RBMS2: variants seen among roughly 807,000 people sequenced by gnomAD.
RBMS2 encodes the protein RNA binding motif single stranded interacting protein 2.
A neutral mutation model predicts 58.4 loss-of-function variants in RBMS2; 38 were observed. The observed-to-expected ratio is 0.65, with a 90% CI of 0.50 to 0.85. The LOEUF (loss-of-function observed/expected upper bound fraction) is 0.85. RBMS2 is among the 40% of genes least tolerant of loss of function. The probability of loss-of-function intolerance (pLI) is 0.00; values close to 1 mark genes in which losing one functional copy is unlikely to be tolerated. For synonymous variants in RBMS2, 151 were observed against 180.7 expected, an observed-to-expected ratio of 0.84 and a Z score of 1.32; for missense variants, 367 against 503.7, an observed-to-expected ratio of 0.73 and a Z score of 2.60.
chr12:56,571,357 C>A (rs1882261628), intron 4 of RBMS2, among the ~76,000 whole-genome samples: 1 of 152,060 alleles, frequency 6.6e-6, no homozygotes, highest in Non-Finnish European at 1.5e-5. Context: ...AACAAGCCAG[C>A]CAAGGAGCAA....
Position 56,595,145 on chromosome 12 carries a change from C to T in RBMS2, c.*6012C>T, listed in dbSNP as rs1885631300. 1 of 152,106 alleles carries T rather than the reference C, an allele frequency of 6.6e-6. No homozygotes were observed. The highest frequency in any genetic ancestry group is 2.4e-5 in the African/African-American group (1 of 41,400). The allele number at this position is 152,106 out of a possible 1,614,324, so 9.4% of individuals were successfully genotyped here. ...GAGCAGAGTTTAGAACTTAAGAGGACAAGAAAGCTGCTCAGTGGCTGGCGT... is the reference window on the plus strand; with the variant it reads ...GAGCAGAGTTTAGAACTTAAGAGGATAAGAAAGCTGCTCAGTGGCTGGCGT... On this transcript the variant is annotated 3_prime_UTR_variant, in exon 14 of 14. Transcript: ENST00000262031.
At chr12:56,580,188 C>T (rs969704949) in intron 5 of RBMS2, 6 of 370,218 alleles carry the variant, frequency 1.6e-5, no homozygotes, top group African/African-American at 8.9e-5. Context: ...GCCTCAGCCT[C>T]CCAAAGTGCT....
At chr12:56,572,406 C>T (rs1338910736) in intron 5 of RBMS2, among the ~76,000 whole-genome samples, 1 of 151,542 alleles carries the variant, frequency 6.6e-6, no homozygotes, top group African/African-American at 2.4e-5. Flanking sequence ...GCCCAGGCTG[C>T]TCTTGAACAT....
intron 5 of RBMS2, among the ~76,000 whole-genome samples, chr12:56,573,536 A>G (rs932620082): frequency 6.7e-6 from 1 of 149,898 alleles, no homozygotes; most frequent in South Asian, 2.1e-4. Context: ...CCTCTTCCCC[A>G]GCTGACTCAA....
rs913403411 is a variant in RBMS2, at chr12:56,567,070, T to C, written c.234-1905T>C. Among the ~76,000 whole-genome samples, 12 of 152,138 alleles carry C rather than the reference T, an allele frequency of 7.9e-5. No homozygotes were observed. The South Asian group carries it at 1.5e-3, about 18-fold the overall frequency. Reference sequence around the variant, plus strand: ...TATTTTATCTACTGCACAGAAATAATTTGCATTTTTACTGGACAAAAATCT... The same window carrying C: ...TATTTTATCTACTGCACAGAAATAACTTGCATTTTTACTGGACAAAAATCT... On this transcript the variant is annotated intron_variant, in intron 2 of 13. Coordinates refer to ENST00000262031, the MANE Select transcript of RBMS2 (RefSeq NM_002898.4).
intron 1 of RBMS2, 100 bp downstream of exon 1, chr12:56,522,189 CCT>C: frequency 1.0e-6 from 1 of 963,008 alleles, no homozygotes; most frequent in Non-Finnish European, 1.6e-6. Flanking sequence ...GAAGGGGCTT[CCT>C]CTCTCAAGAT....
chr12:56,522,094 G>C lies in RBMS2; in HGVS notation c.66+5G>C. On this transcript the variant is annotated splice_donor_5th_base_variant and intron_variant, in intron 1 of 13. Transcript: ENST00000262031. ...TACAATAGAAACAACAAGAAGGTAG[G>C]GAAAAGCGCTTTTTTGGTATCTAGC... The C allele has an allele frequency of 6.3e-7, 1 of 1,585,564 alleles. No individual in the cohort carries two copies. The highest frequency in any genetic ancestry group is 8.6e-7 in the Non-Finnish European group (1 of 1,156,778).
chr12:56,536,261 G>A (rs2939307), intron 1 of RBMS2, among the ~76,000 whole-genome samples: 141,229 of 148,638 alleles, frequency 0.95, 67,502 homozygotes, highest in East Asian at 1. Flanking sequence ...GGCAGGCAGA[G>A]TACCTGAGGT....
In RBMS2 at chr12:56,561,247, A is replaced by G. The variant is rs551012835; in HGVS notation, c.67-1170A>G. 1.4e-4 allele frequency among the ~76,000 whole-genome samples: 21 copies of G among 152,240 alleles called. No individual in the cohort carries two copies. In the South Asian group the frequency reaches 4.4e-3, roughly 32 times the overall value. ...ACATACACATGCTTGTGTCTTTATGATAGAATGATTTCTATTCCTTTGGGT... is the reference window on the plus strand; with the variant it reads ...ACATACACATGCTTGTGTCTTTATGGTAGAATGATTTCTATTCCTTTGGGT... On this transcript the variant is annotated intron_variant, in intron 1 of 13. Coordinates refer to ENST00000262031, the MANE Select transcript of RBMS2 (RefSeq NM_002898.4).
chr12:56,540,344 T>G (rs1454266282), intron 1 of RBMS2, among the ~76,000 whole-genome samples: 1 of 152,128 alleles, frequency 6.6e-6, no homozygotes, highest in African/African-American at 2.4e-5. Context: ...TATGTATTTA[T>G]GTATTTATTT....
chr12:56,536,064 G>C (rs749818282), intron 1 of RBMS2, among the ~76,000 whole-genome samples: 2 of 151,804 alleles, frequency 1.3e-5, no homozygotes, highest in Admixed American at 1.3e-4. Context: ...AGCTGGGCGT[G>C]GTGGCGCACA....
Position 56,581,222 on chromosome 12 carries a change from A to T in RBMS2, c.581A>T (p.His194Leu). Residue 194 changes from histidine to leucine, a missense_variant, in exon 6 of 14, where the codon CAC becomes CTC. Transcript: ENST00000262031. Reference sequence around the variant, plus strand: ...GAGAAGTGTGAAGCCATCATCACCCACTTTAATGGAAAATATATTAAGACA... The same window carrying T: ...GAGAAGTGTGAAGCCATCATCACCCTCTTTAATGGAAAATATATTAAGACA... ...STEKCEAIIT[H>L]FNGKYIKTPP... is the part of the protein sequence containing the mutation. 6.2e-7 allele frequency: 1 copy of T among 1,609,748 alleles called. No homozygotes were observed. The highest frequency in any genetic ancestry group is 1.1e-5 in the South Asian group (1 of 90,996).
chr12:56,589,911 G>A lies in RBMS2; in HGVS notation c.*778G>A, dbSNP rs1363201158. The stretch of plus-strand genomic sequence containing the variant: ...CAAGGCAGAACACTAAGTAGGCCAT[G>A]GAAGTGGCTGTTCTTTCCCCCACCC... On this transcript the variant is annotated 3_prime_UTR_variant, in exon 14 of 14. Coordinates refer to ENST00000262031, the MANE Select transcript of RBMS2 (RefSeq NM_002898.4). The A allele has an allele frequency of 6.6e-6, 1 of 152,468 alleles. No homozygotes were observed. The highest frequency in any genetic ancestry group is 2.4e-5 in the African/African-American group (1 of 41,428). 9.4% of individuals were successfully genotyped at this position (152,468 alleles called of 1,614,324 possible).
At chr12:56,525,029 TTTA>T (rs1872409616) in intron 1 of RBMS2, among the ~76,000 whole-genome samples, 1 of 151,190 alleles carries the variant, frequency 6.6e-6, no homozygotes. Context: ...GCCCCATATT[TTTA>T]TTTTTATTTT....
In RBMS2 at chr12:56,581,863, A is replaced by G. The variant is rs1883998670; in HGVS notation, c.763A>G (p.Thr255Ala). Reference sequence around the variant, plus strand: ...CATGGCCTTGACCTATGACCCCACCACAGCTCTTCAGAATGGGTAAGGTTT... The same window carrying G: ...CATGGCCTTGACCTATGACCCCACCGCAGCTCTTCAGAATGGGTAAGGTTT... ...GVMALTYDPT[T>A]ALQNGFYPAP... Residue 255 changes from threonine (T) to alanine (A), a missense_variant, in exon 8 of 14, where the codon ACA becomes GCA. By Grantham distance (58) the Thr-to-Ala change is moderately conservative. Transcript: ENST00000262031. 2 of 1,614,034 alleles carry G rather than the reference A, an allele frequency of 1.2e-6. No homozygotes were observed. Among genetic ancestry groups the G allele is most frequent in the African/African-American group, 2.7e-5 (2 of 74,918 alleles).
At chr12:56,573,934 G>A (rs1470589246) in intron 5 of RBMS2, among the ~76,000 whole-genome samples, 2 of 152,046 alleles carry the variant, frequency 1.3e-5, no homozygotes, top group Non-Finnish European at 2.9e-5. Flanking sequence ...TCTGCCTCCC[G>A]GGTTCAAGTG....
rs1215496189 is a variant in RBMS2, at chr12:56,596,148, T to A, written c.*7015T>A. 8 of 152,716 alleles carry A rather than the reference T, an allele frequency of 5.2e-5. No homozygotes were observed. The highest frequency in any genetic ancestry group is 1.9e-4 in the African/African-American group (8 of 41,476). The allele number at this position is 152,716 out of a possible 1,614,324, so 9.5% of individuals were successfully genotyped here. On this transcript the variant is annotated 3_prime_UTR_variant, in exon 14 of 14. Transcript: ENST00000262031. ...ATCAAAAAGTCACTAAAACACCACA[T>A]TTGGTTATATAAAAAGTCCCTTTTG...
chr12:56,581,221 C>G lies in RBMS2; in HGVS notation c.580C>G (p.His194Asp). 1 of 1,609,902 alleles carries G rather than the reference C, an allele frequency of 6.2e-7. No individual in the cohort carries two copies. Among genetic ancestry groups the G allele is most frequent in the East Asian group, 2.2e-5 (1 of 44,852 alleles). The change falls in exon 6 of 14, where the codon CAC (histidine) becomes GAC (aspartate). Residue 194 changes from histidine (H) to aspartate (D), a missense_variant. Physicochemically the swap from His to Asp is moderately conservative, Grantham distance 81. Around this residue, in one of 3 missense-constraint regions of RBMS2, gnomAD observed 54 missense variants for 110.4 expected, o/e 0.49. Coordinates refer to ENST00000262031, the MANE Select transcript of RBMS2 (RefSeq NM_002898.4). ...AGAGAAGTGTGAAGCCATCATCACC[C>G]ACTTTAATGGAAAATATATTAAGAC... is the stretch of plus-strand genomic sequence containing the variant. Reference protein sequence around the residue: ...STEKCEAIITHFNGKYIKTPP... With the variant: ...STEKCEAIITDFNGKYIKTPP...
At chr12:56,587,686 T>G in intron 11 of RBMS2, 22 bp downstream of exon 11, 1 of 1,609,178 alleles carries the variant, frequency 6.2e-7, no homozygotes. Context: ...TATTTCTGAT[T>G]GTAAACTCTC....
Sources: allele counts gnomAD v4.1 joint callset (sites outside exome capture counted in the v4.1 genomes callset), GRCh38; gene constraint gnomAD v4.1.1; regional missense constraint gnomAD v4.1.1; transcripts MANE v1.5; gene names NCBI Gene and HGNC (gene_info 2026-07-23, HGNC 2026-07-21).